Variants in B4GALT5 observed in about 807,000 individuals in gnomAD.
B4GALT5 encodes the protein UDP-Gal:beta-GlcNAc beta-1,4-galactosyltransferase 5.
Under a neutral mutation model 45.0 loss-of-function variants are expected in B4GALT5, and 11 were observed. The observed-to-expected ratio is 0.24, with a 90% CI of 0.15 to 0.40. B4GALT5 has a LOEUF of 0.40. Among genes scored for constraint, B4GALT5 ranks in the 10% least tolerant of loss-of-function variants. B4GALT5 has a pLI of 1.00. For synonymous variants in B4GALT5, 185 were observed against 182.9 expected (o/e 1.01, Z -0.09); for missense variants, 337 against 500.2 (o/e 0.67, Z 3.11).
chr20:49,684,634 T>C (rs867411079), intron 1 of B4GALT5: 2 of 518,894 alleles, frequency 3.9e-6, no homozygotes, highest in Middle Eastern at 6.4e-4. Flanking sequence ...AATCAGCAAG[T>C]GCCATACAGT....
chr20:49,636,242 C>G lies in B4GALT5; in HGVS notation c.*70G>C. 4 of 1,571,764 alleles carry G rather than the reference C, an allele frequency of 2.5e-6. No homozygotes were observed. Among genetic ancestry groups the G allele is most frequent in the Admixed American group, 1.7e-5 (1 of 57,148 alleles). On this transcript the variant is annotated 3_prime_UTR_variant, in exon 9 of 9. Transcript: ENST00000371711. ...TCTCTTGCTGTGTAGACCCTCCCCC[C>G]TCCAAAAAAAAATCTCATCGGACTG...
At chr20:49,684,571 A>G (rs1377944824) in intron 1 of B4GALT5, 1 of 518,456 alleles carries the variant, frequency 1.9e-6, no homozygotes, top group Non-Finnish European at 3.8e-6. Context: ...AGAAGAAAAA[A>G]AAGTTGGTCC....
At position 49,653,683 on chromosome 20, in the gene B4GALT5, G is replaced by GT. The variant is rs767223594; in HGVS notation, c.250+2884dup. ...CTTGTGAGGGACTACATGAAATCAT[G>GT]TAAGTCAAGTATCTAATAAACAGTA... On this transcript the variant is annotated intron_variant, in intron 2 of 8. Coordinates refer to ENST00000371711, the MANE Select transcript of B4GALT5 (RefSeq NM_004776.4). 3.3e-5 allele frequency among the ~76,000 whole-genome samples: 5 copies of GT among 152,212 alleles called. No individual in the cohort carries two copies. In the East Asian group the frequency reaches 7.7e-4, roughly 23 times the overall value.
rs200221009 is a variant in B4GALT5 at position 49,656,649 on chromosome 20, C to T, written c.169G>A (p.Val57Met). The change falls in exon 2 of 9, where the codon GTG (valine) becomes ATG (methionine). Residue 57 changes from valine to methionine, a missense_variant. Val to Met is a conservative substitution (Grantham distance 21). Coordinates refer to ENST00000371711, the MANE Select transcript of B4GALT5 (RefSeq NM_004776.4). ...TAAACCTGAGCACCGATTGTTCTCA[C>T]GTTGTCCCGGATCAGAATGCCTTGG... ...QAQGILIRDN[V>M]RTIGAQVYEQ... 175 of 1,614,152 alleles carry T rather than the reference C, an allele frequency of 1.1e-4. 2 individuals are homozygous for T. The East Asian group carries it at 3.2e-3, about 30-fold the overall frequency.
intron 1 of B4GALT5, among the ~76,000 whole-genome samples, chr20:49,699,379 A>C (rs1273275793): frequency 1.4e-4 from 21 of 151,864 alleles, no homozygotes; most frequent in African/African-American, 4.3e-4. Context: ...AAAAAAAAAA[A>C]AAAAAAAAAA....
intron 1 of B4GALT5, among the ~76,000 whole-genome samples, chr20:49,707,766 C>T (rs900130717): frequency 1.5e-4 from 23 of 152,032 alleles, no homozygotes; most frequent in Non-Finnish European, 3.4e-4. Context: ...AGGCAGGCAC[C>T]ACATCCAACT....
chr20:49,643,725 TG>T, intron 3 of B4GALT5, 75 bp from the exon 4 acceptor site: 1 of 1,509,474 alleles, frequency 6.6e-7, no homozygotes, highest in Non-Finnish European at 9.0e-7. Context: ...TTTTAGTCTC[TG>T]GAGAGCGCAA....
At chr20:49,702,874 T>TA (rs2085868210) in intron 1 of B4GALT5, among the ~76,000 whole-genome samples, 1 of 150,014 alleles carries the variant, frequency 6.7e-6, no homozygotes, top group South Asian at 2.1e-4. Context: ...AAAAAAACCC[T>TA]AAAAAATAGT....
chr20:49,697,659 TAA>T (rs2085845014), intron 1 of B4GALT5, among the ~76,000 whole-genome samples: 2 of 151,808 alleles, frequency 1.3e-5, no homozygotes, highest in Admixed American at 6.6e-5. Context: ...CCCAACTATG[TAA>T]AAGCTTTAAA....
At chr20:49,656,454 G>A (rs1340424064) in intron 2 of B4GALT5, 114 bp downstream of exon 2, 5 of 1,386,688 alleles carry the variant, frequency 3.6e-6, no homozygotes, top group Non-Finnish European at 4.9e-6. Context: ...GTAAAACTCA[G>A]CCAAATCCCT....
At position 49,699,367 on chromosome 20, in the gene B4GALT5, C is replaced by CAA. The variant is rs11476698; in HGVS notation, c.115+14207_115+14208dup. On this transcript the variant is annotated intron_variant, in intron 1 of 8. Coordinates refer to ENST00000371711, the MANE Select transcript of B4GALT5 (RefSeq NM_004776.4). ...AAACCCATCTTGAATCCTAAATGGG[C>CAA]AAAAAAAAAAAAAAAAAAAAAACCC... is the stretch of plus-strand genomic sequence containing the variant. Among the ~76,000 whole-genome samples, 51 of 93,718 alleles carry CAA rather than the reference C, an allele frequency of 5.4e-4. 2 individuals are homozygous for CAA. Among genetic ancestry groups the CAA allele is most frequent in the East Asian group, 2.3e-3 (7 of 3,000 alleles). The allele number at this position is 93,718 out of a possible 152,430, so 61.5% of individuals were successfully genotyped here.
intron 1 of B4GALT5, among the ~76,000 whole-genome samples, chr20:49,681,820 G>C (rs1325165707): frequency 6.6e-6 from 1 of 152,220 alleles, no homozygotes; most frequent in Non-Finnish European, 1.5e-5. Flanking sequence ...GAAAGGCTGG[G>C]CGTGGTGGCT....
intron 1 of B4GALT5, among the ~76,000 whole-genome samples, chr20:49,704,181 G>A (rs2085874518): frequency 6.6e-6 from 1 of 152,148 alleles, no homozygotes; most frequent in African/African-American, 2.4e-5. Flanking sequence ...AACTTAAAAT[G>A]GGATAATGAG....
chr20:49,700,235 C>A (rs2085856128), intron 1 of B4GALT5, among the ~76,000 whole-genome samples: 1 of 152,124 alleles, frequency 6.6e-6, no homozygotes, highest in African/African-American at 2.4e-5. Flanking sequence ...TTTTGGTTTG[C>A]AACAAATATA....
intron 5 of B4GALT5, 51 bp from the exon 6 acceptor site, chr20:49,640,716 G>A (rs770674256): frequency 8.6e-6 from 13 of 1,519,268 alleles, no homozygotes; most frequent in African/African-American, 1.4e-5. Context: ...GAAAATCTTT[G>A]CTGTCTTTCC....
At chr20:49,685,765 AAC>A (rs2085782535) in intron 1 of B4GALT5, among the ~76,000 whole-genome samples, 1 of 152,196 alleles carries the variant, frequency 6.6e-6, no homozygotes, top group Non-Finnish European at 1.5e-5. Flanking sequence ...AATACACACT[AAC>A]ATTTAGATCT....
At chr20:49,660,938 C>A (rs2085662500) in intron 1 of B4GALT5, among the ~76,000 whole-genome samples, 1 of 152,198 alleles carries the variant, frequency 6.6e-6, no homozygotes, top group Admixed American at 6.5e-5. Flanking sequence ...CCAGCCTGGG[C>A]AACAGTGAGA....
intron 1 of B4GALT5, among the ~76,000 whole-genome samples, chr20:49,678,563 A>C (rs1320513643): frequency 2.0e-5 from 3 of 152,180 alleles, no homozygotes; most frequent in Admixed American, 2.0e-4. Flanking sequence ...ATCTTGAAAG[A>C]AGCCTACTAA....
intron 1 of B4GALT5, among the ~76,000 whole-genome samples, chr20:49,682,078 G>C (rs2085766372): frequency 6.6e-6 from 1 of 152,068 alleles, no homozygotes; most frequent in Non-Finnish European, 1.5e-5. Flanking sequence ...CCTGGACAAA[G>C]GAGCCAGACC....
Sources: allele counts gnomAD v4.1 joint callset (sites outside exome capture counted in the v4.1 genomes callset), GRCh38; gene constraint gnomAD v4.1.1; transcripts MANE v1.5; gene names NCBI Gene and HGNC (gene_info 2026-07-23, HGNC 2026-07-21).